GDAP1: variants seen among roughly 807,000 people sequenced by gnomAD.
The protein encoded by GDAP1 is ganglioside-induced differentiation-associated protein 1.
In GDAP1, 34 loss-of-function variants were observed where a neutral mutation model predicts 40.1. That is an observed-to-expected ratio of 0.85 (90% CI 0.64 to 1.13). GDAP1 has a LOEUF of 1.13. GDAP1 is among the 50% of genes most tolerant of loss of function. GDAP1 has a pLI of 0.00. For missense variants in GDAP1, 374 were observed against 433.7 expected (o/e 0.86, Z 1.22); for synonymous variants, 170 against 157.4 (o/e 1.08, Z -0.60).
Position 74,364,415 on chromosome 8 carries a change from C to T in GDAP1, c.*48C>T. 4 of 1,577,028 alleles carry T rather than the reference C, an allele frequency of 2.5e-6. No homozygotes were observed. Among genetic ancestry groups the T allele is most frequent in the East Asian group, 2.2e-5 (1 of 44,730 alleles). On this transcript the variant is annotated 3_prime_UTR_variant, in exon 6 of 6. Transcript: ENST00000220822. ...CAGCTCATCCAAGCATTTAGCTAGA[C>T]CCTGTGATTGCCCGTGGCTCTCTGA...
intron 2 of GDAP1, among the ~76,000 whole-genome samples, chr8:74,428,173 A>G (rs1440415051): frequency 6.6e-6 from 1 of 152,166 alleles, no homozygotes; most frequent in Non-Finnish European, 1.5e-5. Context: ...TAGGAGGATT[A>G]CTTGAGGCCA....
rs1402276111 is a variant in GDAP1 at position 74,451,688 on chromosome 8, A to T, written c.166-36990A>T. ...CTTAGTTCACATTCTTTTTTGATGG[A>T]TGCTTTCACTGGTATAGAATTCTAT... is the stretch of plus-strand genomic sequence containing the variant. On this transcript the variant is annotated intron_variant, in intron 2 of 2. Transcript: ENST00000523640. Among the ~76,000 whole-genome samples the T allele has an allele frequency of 1.4e-4, 11 of 81,244 alleles. 5 individuals carry two copies. The highest frequency in any genetic ancestry group is 5.9e-4 in the African/African-American group (11 of 18,616). The allele number at this position is 81,244 out of a possible 152,430, so 53.3% of individuals were successfully genotyped here. A position where few individuals can be genotyped will look rare whatever the true frequency, so the allele number is the denominator to read the frequency against.
At position 74,479,998 on chromosome 8, in the gene GDAP1, T is replaced by C. The variant is rs866994022; in HGVS notation, c.166-8680T>C. On this transcript the variant is annotated intron_variant, in intron 2 of 2. Coordinates refer to the GDAP1 transcript ENST00000523640. ...AGAAATGGACTCTCTTTTTTTTTTT[T>C]TTTTTTTTGAGATGGAGTCTCGCTC... is the stretch of plus-strand genomic sequence containing the variant. Among the ~76,000 whole-genome samples, 522 of 149,938 alleles carry C rather than the reference T, an allele frequency of 3.5e-3. 3 individuals carry two copies. The highest frequency in any genetic ancestry group is 0.012 in the African/African-American group (494 of 40,718).
intron 2 of GDAP1, among the ~76,000 whole-genome samples, chr8:74,401,178 T>C (rs1231490991): frequency 1.3e-5 from 2 of 149,258 alleles, no homozygotes; most frequent in Non-Finnish European, 1.5e-5. Flanking sequence ...TCCCCGTCAC[T>C]TTCGGGTACA....
At chr8:74,481,539 C>T (rs1806711035) in intron 2 of GDAP1, among the ~76,000 whole-genome samples, 1 of 152,092 alleles carries the variant, frequency 6.6e-6, no homozygotes, top group East Asian at 1.9e-4. Context: ...AAAGTTCTAC[C>T]TTCTTCTATC....
At chr8:74,439,093 T>C (rs1384694150) in intron 2 of GDAP1, among the ~76,000 whole-genome samples, 1 of 151,954 alleles carries the variant, frequency 6.6e-6, no homozygotes, top group Admixed American at 6.6e-5. Flanking sequence ...TAAATTTTAA[T>C]GTAGTCAAAT....
chr8:74,425,603 C>A (rs1233484154), intron 2 of GDAP1, among the ~76,000 whole-genome samples: 6 of 152,144 alleles, frequency 3.9e-5, no homozygotes, highest in Non-Finnish European at 4.4e-5. Flanking sequence ...ACTGCAATAT[C>A]AGAAACTAAA....
rs530422204 is a variant in GDAP1, at chr8:74,441,304, A to G, written c.166-47374A>G. Among the ~76,000 whole-genome samples the G allele has an allele frequency of 5.9e-5, 9 of 152,234 alleles. No individual in the cohort carries two copies. In the South Asian group the frequency reaches 1.7e-3, roughly 28 times the overall value. ...GTAAGTAGCAGATTTATGATAACAC[A>G]GTTTTATGACTCATGGGTCCCCCAT... On this transcript the variant is annotated intron_variant, in intron 2 of 2. Coordinates refer to the GDAP1 transcript ENST00000523640.
intron 2 of GDAP1, among the ~76,000 whole-genome samples, chr8:74,472,420 T>C (rs1563478831): frequency 6.6e-6 from 1 of 152,230 alleles, no homozygotes; most frequent in Non-Finnish European, 1.5e-5. Flanking sequence ...GTCTTTATGA[T>C]AGAATAATTT....
At chr8:74,393,979 T>C (rs1442990977) in intron 2 of GDAP1, among the ~76,000 whole-genome samples, 2 of 152,198 alleles carry the variant, frequency 1.3e-5, no homozygotes, top group African/African-American at 4.8e-5. Flanking sequence ...TATAACTCCA[T>C]TCTTATATGA....
chr8:74,488,064 G>T (rs1806797407), intron 2 of GDAP1, among the ~76,000 whole-genome samples: 1 of 152,004 alleles, frequency 6.6e-6, no homozygotes, highest in South Asian at 2.1e-4. Flanking sequence ...TACTGCTTTT[G>T]CTAGAGCTTT....
At chr8:74,447,042 T>C (rs1387983017) in intron 2 of GDAP1, among the ~76,000 whole-genome samples, 1 of 152,136 alleles carries the variant, frequency 6.6e-6, no homozygotes, top group Non-Finnish European at 1.5e-5. Flanking sequence ...TAATCAAATA[T>C]AATCTTTCCA....
chr8:74,352,128 A>G (rs554683573), intron 2 of GDAP1, among the ~76,000 whole-genome samples: 38 of 152,368 alleles, frequency 2.5e-4, no homozygotes, highest in African/African-American at 8.4e-4. Context: ...AGGGTTGCCC[A>G]AAGTAATATA....
chr8:74,435,830 T>C (rs1806082138), intron 2 of GDAP1, among the ~76,000 whole-genome samples: 2 of 152,324 alleles, frequency 1.3e-5, no homozygotes, highest in East Asian at 1.9e-4. Flanking sequence ...AAAAAGTTTA[T>C]TGTAGTCAGC....
chr8:74,383,337 A>T (rs1179301775), intron 2 of GDAP1, among the ~76,000 whole-genome samples: 5 of 152,238 alleles, frequency 3.3e-5, no homozygotes, highest in Non-Finnish European at 2.9e-5. Flanking sequence ...TTTAAAAACC[A>T]GATGGTATTG....
chr8:74,351,264 A>G lies in GDAP1; in HGVS notation c.118-10A>G. 6.2e-7 allele frequency: 1 copy of G among 1,612,258 alleles called. No individual in the cohort carries two copies. Among genetic ancestry groups the G allele is most frequent in the Non-Finnish European group, 8.5e-7 (1 of 1,178,302 alleles). Reference sequence around the variant, plus strand: ...ACATGTGTTGTAGTAACCAGTGTGAACTCTTCCAGGTGCGCTTGGTAATTG... The same window carrying G: ...ACATGTGTTGTAGTAACCAGTGTGAGCTCTTCCAGGTGCGCTTGGTAATTG... On this transcript the variant is annotated splice_polypyrimidine_tract_variant and intron_variant, in intron 1 of 5. Coordinates refer to ENST00000220822, the MANE Select transcript of GDAP1 (RefSeq NM_018972.4).
chr8:74,366,775 G>A lies in GDAP1; in HGVS notation c.*2408G>A, dbSNP rs11996204. 9.8e-3 allele frequency: 4,451 copies of A among 453,826 alleles called. 154 individuals carry two copies. The highest frequency in any genetic ancestry group is 0.079 in the African/African-American group (3,971 of 50,052). The allele number at this position is 453,826 out of a possible 1,614,324, so 28.1% of individuals were successfully genotyped here. On this transcript the variant is annotated 3_prime_UTR_variant, in exon 6 of 6. Coordinates refer to ENST00000220822, the MANE Select transcript of GDAP1 (RefSeq NM_018972.4). ...AGTAATTATTGCTGTTGACACCAGC[G>A]TTGTAGATTTTTGGTGTTGTTGAAT...
intron 2 of GDAP1, among the ~76,000 whole-genome samples, chr8:74,380,458 A>G (rs1275225844): frequency 6.6e-6 from 1 of 151,924 alleles, no homozygotes; most frequent in Non-Finnish European, 1.5e-5. Flanking sequence ...TATTTTTAAA[A>G]ATTTATGCTT....
At chr8:74,456,305 G>A (rs1180720423) in intron 2 of GDAP1, among the ~76,000 whole-genome samples, 1 of 151,900 alleles carries the variant, frequency 6.6e-6, no homozygotes, top group African/African-American at 2.4e-5. Context: ...TATCTGAAAA[G>A]CTTTACTCTA....
Sources: allele counts gnomAD v4.1 joint callset (sites outside exome capture counted in the v4.1 genomes callset), GRCh38; gene constraint gnomAD v4.1.1; transcripts MANE v1.5; gene names NCBI Gene and HGNC (gene_info 2026-07-23, HGNC 2026-07-21).